ZNF586: variants seen among roughly 807,000 people sequenced by gnomAD.
ZNF586 encodes the protein zinc finger protein 586.
ZNF586 carries 7 observed loss-of-function variants against 6.7 expected under a neutral mutation model. That is an observed-to-expected ratio of 1.04 (90% CI 0.59 to 1.95). The LOEUF (loss-of-function observed/expected upper bound fraction) is 1.95. ZNF586 is among the 30% of genes most tolerant of loss of function. ZNF586 has a pLI of 0.00. For missense variants in ZNF586, 442 were observed against 489.6 expected, an observed-to-expected ratio of 0.90 and a Z score of 0.92; for synonymous variants, 166 against 168.7, an observed-to-expected ratio of 0.98 and a Z score of 0.12.
intron 1 of ZNF586, among the ~76,000 whole-genome samples, chr19:57,773,003 T>C (rs1458593746): frequency 6.6e-6 from 1 of 152,186 alleles, no homozygotes; most frequent in African/African-American, 2.4e-5. Flanking sequence ...AAGTCACTTA[T>C]AAATTTGAGA....
Position 57,770,017 on chromosome 19 carries a change from G to C in ZNF586, c.36+139G>C, listed in dbSNP as rs572823241. ...AGAGGCGCCGGCGGGTGGGATCCCTGTTTCCGACACCCAGTTGATGCGGTC... is the reference window on the plus strand; with the variant it reads ...AGAGGCGCCGGCGGGTGGGATCCCTCTTTCCGACACCCAGTTGATGCGGTC... On this transcript the variant is annotated intron_variant, in intron 1 of 2. Transcript: ENST00000396154. The C allele has an allele frequency of 5.0e-6, 4 of 802,486 alleles. No homozygotes were observed. The African/African-American group carries it at 7.2e-5, about 15-fold the overall frequency. The allele number at this position is 802,486 out of a possible 1,614,324, so 49.7% of individuals were successfully genotyped here.
At position 57,780,212 on chromosome 19, in the gene ZNF586, A is replaced by G. The variant is rs909455682; in HGVS notation, c.*416A>G. On this transcript the variant is annotated 3_prime_UTR_variant, in exon 3 of 3. Coordinates refer to ENST00000396154, the MANE Select transcript of ZNF586 (RefSeq NM_017652.4). ...CTCTTGCTAGACTTCTGTGACTTAC[A>G]GTTCTCTTCTAAAAAGCATTTCACC... The G allele has an allele frequency of 9.7e-5, 17 of 175,590 alleles. No individual in the cohort carries two copies. Among genetic ancestry groups the G allele is most frequent in the Admixed American group, 1.1e-4 (2 of 18,612 alleles). The allele number at this position is 175,590 out of a possible 1,614,324, so 10.9% of individuals were successfully genotyped here. A position where few individuals can be genotyped will look rare whatever the true frequency, so the allele number is the denominator to read the frequency against.
At position 57,779,480 on chromosome 19, in the gene ZNF586, C is replaced by A; in HGVS notation, c.893C>A (p.Ser298Tyr). Residue 298 changes from serine (S) to tyrosine (Y), a missense_variant, in exon 3 of 3, where the codon TCC becomes TAC. Ser to Tyr is a moderately radical substitution (Grantham distance 144). Coordinates refer to ENST00000396154, the MANE Select transcript of ZNF586 (RefSeq NM_017652.4). ...TATGAATGTAGTGAATGTGGGAAAT[C>A]CTTTAGCTTAAGGTCCAACCTCATT... ...RPYECSECGK[S>Y]FSLRSNLIHH... The A allele has an allele frequency of 6.2e-7, 1 of 1,613,960 alleles. No homozygotes were observed. The highest frequency in any genetic ancestry group is 8.5e-7 in the Non-Finnish European group (1 of 1,180,000).
intron 2 of ZNF586, among the ~76,000 whole-genome samples, 178 bp from the exon 3 acceptor site, chr19:57,778,573 T>C (rs1481608141): frequency 1.3e-5 from 2 of 152,152 alleles, no homozygotes; most frequent in Admixed American, 1.3e-4. Context: ...CCCTTGACAA[T>C]ATGAGGCCTT....
rs574881843 is a variant in ZNF586, at chr19:57,780,268, C to A, written c.*472C>A. On this transcript the variant is annotated 3_prime_UTR_variant, in exon 3 of 3. Transcript: ENST00000396154. ...CACTTGGCAGGTGCCCACAGTACATCATTCGCCTAACTCATCATGATCCAG... is the reference window on the plus strand; with the variant it reads ...CACTTGGCAGGTGCCCACAGTACATAATTCGCCTAACTCATCATGATCCAG... The A allele has an allele frequency of 1.0e-4, 17 of 163,428 alleles. No individual in the cohort carries two copies. The highest frequency in any genetic ancestry group is 4.1e-4 in the African/African-American group (17 of 41,662). The allele number at this position is 163,428 out of a possible 1,614,324, so 10.1% of individuals were successfully genotyped here. A position where few individuals can be genotyped will look rare whatever the true frequency, so the allele number is the denominator to read the frequency against.
intron 2 of ZNF586, among the ~76,000 whole-genome samples, chr19:57,778,434 G>T (rs770686895): frequency 2.0e-5 from 3 of 152,024 alleles, no homozygotes; most frequent in South Asian, 2.1e-4. Context: ...AGTCATGTTG[G>T]GGGGGGCCTG....
intron 2 of ZNF586, among the ~76,000 whole-genome samples, chr19:57,777,660 C>T (rs1196254177): frequency 2.0e-5 from 3 of 151,540 alleles, no homozygotes; most frequent in African/African-American, 7.3e-5. Flanking sequence ...CTGGACTCCA[C>T]GTCTCACCTA....
At chr19:57,770,913 C>T (rs1044133900) in intron 1 of ZNF586, among the ~76,000 whole-genome samples, 2 of 151,938 alleles carry the variant, frequency 1.3e-5, no homozygotes, top group Non-Finnish European at 1.5e-5. Context: ...TGCGGTGACG[C>T]GATCACGGCG....
At chr19:57,778,709 A>G in intron 2 of ZNF586, 42 bp from the exon 3 acceptor site, 4 of 1,546,610 alleles carry the variant, frequency 2.6e-6, no homozygotes, top group Non-Finnish European at 3.5e-6. Flanking sequence ...TGCATACTCA[A>G]CAAAGTCAAC....
chr19:57,769,772 G>T lies in ZNF586; in HGVS notation c.-71G>T. On this transcript the variant is annotated 5_prime_UTR_variant, in exon 1 of 3. Transcript: ENST00000396154. ...GGCGGATCTGAGGTTCGGCGACGCC[G>T]CTGGTCGCGACCCGGGACAGGACAA... 1 of 1,497,222 alleles carries T rather than the reference G, an allele frequency of 6.7e-7. No individual in the cohort carries two copies. The highest frequency in any genetic ancestry group is 9.1e-7 in the Non-Finnish European group (1 of 1,104,776). The allele number at this position is 1,497,222 out of a possible 1,614,324, so 92.7% of individuals were successfully genotyped here.
rs1372315128 is a variant in ZNF586 at position 57,774,722 on chromosome 19, T to C, written c.37-1821T>C. The C allele has an allele frequency of 2.5e-5, 25 of 983,960 alleles. No individual in the cohort carries two copies. In the South Asian group the frequency reaches 8.9e-4, roughly 35 times the overall value. 61.0% of individuals were successfully genotyped at this position (983,960 alleles called of 1,614,324 possible). ...GGGCTACCATTGCTATTGAGAAACA[T>C]TGGAATTCTGTGGTAATTTTGGATT... On this transcript the variant is annotated intron_variant, in intron 1 of 2. Coordinates refer to ENST00000396154, the MANE Select transcript of ZNF586 (RefSeq NM_017652.4).
At chr19:57,770,469 G>T (rs966800293) in intron 1 of ZNF586, among the ~76,000 whole-genome samples, 4 of 152,190 alleles carry the variant, frequency 2.6e-5, no homozygotes, top group Non-Finnish European at 5.9e-5. Context: ...GTTGAACTTT[G>T]ACTGTGAGGA....
chr19:57,779,943 T>A lies in ZNF586; in HGVS notation c.*147T>A. On this transcript the variant is annotated 3_prime_UTR_variant, in exon 3 of 3. Coordinates refer to ENST00000396154, the MANE Select transcript of ZNF586 (RefSeq NM_017652.4). ...TCTTTACATAAAAGAGTGCTCCCAC[T>A]GAAGAAGTGCCTTTTGAGTGCAATG... is the stretch of plus-strand genomic sequence containing the variant. 1 of 701,484 alleles carries A rather than the reference T, an allele frequency of 1.4e-6. No individual in the cohort carries two copies. Among genetic ancestry groups the A allele is most frequent in the Non-Finnish European group, 2.3e-6 (1 of 435,068 alleles). The allele number at this position is 701,484 out of a possible 1,614,324, so 43.5% of individuals were successfully genotyped here.
intron 1 of ZNF586, among the ~76,000 whole-genome samples, chr19:57,776,107 C>T (rs986556348): frequency 6.6e-6 from 1 of 152,180 alleles, no homozygotes; most frequent in Non-Finnish European, 1.5e-5. Flanking sequence ...AATACTGTAA[C>T]TTCTGGCAAG....
rs1187005376 is a variant in ZNF586, at chr19:57,780,065, T to C, written c.*269T>C. The stretch of plus-strand genomic sequence containing the variant: ...GGAGGTAATATTATTTTTTCTTCAA[T>C]ATAACACTGGAGGAAACCCCTTATG... On this transcript the variant is annotated 3_prime_UTR_variant, in exon 3 of 3. Coordinates refer to ENST00000396154, the MANE Select transcript of ZNF586 (RefSeq NM_017652.4). 5 of 460,016 alleles carry C rather than the reference T, an allele frequency of 1.1e-5. No homozygotes were observed. The highest frequency in any genetic ancestry group is 1.5e-5 in the Non-Finnish European group (4 of 262,030). 28.5% of individuals were successfully genotyped at this position (460,016 alleles called of 1,614,324 possible).
rs1343406818 is a variant in ZNF586 at position 57,769,695 on chromosome 19, C to A, written c.-148C>A. On this transcript the variant is annotated 5_prime_UTR_variant, in exon 1 of 3. Transcript: ENST00000396154. ...ATTTTGGCCTGTCAGGTCCATCCGG[C>A]GATGCTGGGTCTGGACGAGCTCGGG... 14 of 837,060 alleles carry A rather than the reference C, an allele frequency of 1.7e-5. No homozygotes were observed. The highest frequency in any genetic ancestry group is 2.6e-5 in the Non-Finnish European group (14 of 528,524). The allele number at this position is 837,060 out of a possible 1,614,324, so 51.9% of individuals were successfully genotyped here.
At chr19:57,778,073 C>CTTG (rs1555767162) in intron 2 of ZNF586, among the ~76,000 whole-genome samples, 2 of 131,502 alleles carry the variant, frequency 1.5e-5, no homozygotes, top group Admixed American at 7.8e-5. Flanking sequence ...AGTATATAAT[C>CTTG]TTTTTTTTTT....
Position 57,779,174 on chromosome 19 carries a change from A to G in ZNF586, c.587A>G (p.His196Arg). Residue 196 changes from histidine to arginine, a missense_variant, in exon 3 of 3, where the codon CAC becomes CGC. Physicochemically the swap from His to Arg is conservative, Grantham distance 29. Coordinates refer to ENST00000396154, the MANE Select transcript of ZNF586 (RefSeq NM_017652.4). ...AFAEKSSLIN[H>R]RKVHSGAKRY... The stretch of plus-strand genomic sequence containing the variant: ...GCTGAAAAGTCCAGTCTCATTAACC[A>G]CAGGAAAGTTCACTCTGGAGCAAAG... 1.9e-6 allele frequency: 3 copies of G among 1,613,984 alleles called. No homozygotes were observed. The highest frequency in any genetic ancestry group is 2.5e-6 in the Non-Finnish European group (3 of 1,180,008).
Position 57,776,627 on chromosome 19 carries a change from C to T in ZNF586, c.121C>T (p.Arg41Cys), listed in dbSNP as rs367919463. Reference protein sequence around the residue: ...LLNEAQRCLYRDVMLETLTLI... With the variant: ...LLNEAQRCLYCDVMLETLTLI... ...TAATGAGGCTCAGAGATGCCTGTAC[C>T]GTGACGTGATGCTGGAGACCTTGAC... is the stretch of plus-strand genomic sequence containing the variant. The change falls in exon 2 of 3, where the codon CGT becomes TGT. Residue 41 changes from arginine (R) to cysteine (C), a missense_variant. By Grantham distance (180) the Arg-to-Cys change is radical (BLOSUM62 -3). Transcript: ENST00000396154. 39 of 1,611,568 alleles carry T rather than the reference C, an allele frequency of 2.4e-5. No homozygotes were observed. In the Middle Eastern group the frequency reaches 4.9e-4, roughly 20 times the overall value.
Sources: allele counts gnomAD v4.1 joint callset (sites outside exome capture counted in the v4.1 genomes callset), GRCh38; gene constraint gnomAD v4.1.1; transcripts MANE v1.5; gene names NCBI Gene and HGNC (gene_info 2026-07-23, HGNC 2026-07-21).